Variants in SH3YL1 observed in about 807,000 individuals in gnomAD.
SH3YL1 encodes SH3 domain-containing YSC84-like protein 1.
Under a neutral mutation model 45.8 loss-of-function variants are expected in SH3YL1, and 41 were observed. That is an observed-to-expected ratio of 0.89 (90% CI 0.70 to 1.16). The LOEUF (loss-of-function observed/expected upper bound fraction) is 1.16, where lower values mean the gene tolerates loss of function less well. Among genes scored for constraint, SH3YL1 ranks in the 50% most tolerant of loss-of-function variants. The pLI is 0.00. For synonymous variants in SH3YL1, 152 were observed against 151.4 expected, an observed-to-expected ratio of 1.00 and a Z score of -0.03; for missense variants, 389 against 409.6, an observed-to-expected ratio of 0.95 and a Z score of 0.43.
intron 8 of SH3YL1, among the ~76,000 whole-genome samples, chr2:227,870 C>T (rs537289307): frequency 2.5e-4 from 36 of 144,584 alleles, no homozygotes; most frequent in African/African-American, 7.5e-4. Flanking sequence ...TATGAGCATA[C>T]GTGCATTTCC....
At chr2:228,886 G>A (rs920235788) in intron 8 of SH3YL1, among the ~76,000 whole-genome samples, 2 of 152,196 alleles carry the variant, frequency 1.3e-5, no homozygotes, top group African/African-American at 4.8e-5. Flanking sequence ...GGAGGAGGCC[G>A]AGGATGCGCT....
intron 4 of SH3YL1, chr2:243,415 A>G (rs960414358): frequency 6.7e-5 from 86 of 1,291,186 alleles, no homozygotes; most frequent in Non-Finnish European, 8.7e-5. Flanking sequence ...TAAGCAACAC[A>G]CTCTTAAATA....
At chr2:236,314 C>T (rs780004059) in intron 4 of SH3YL1, among the ~76,000 whole-genome samples, 24 of 152,076 alleles carry the variant, frequency 1.6e-4, no homozygotes, top group African/African-American at 2.4e-4. Context: ...ATCCCAGCTC[C>T]GCTTCTCGAG....
rs1668998718 is a variant in SH3YL1 at position 249,821 on chromosome 2, C to T, written c.136G>A (p.Gly46Ser). The change falls in exon 3 of 10, where the codon GGC (glycine) becomes AGC (serine). Residue 46 changes from glycine (G) to serine (S), a missense_variant. By Grantham distance (56) the Gly-to-Ser change is moderately conservative (BLOSUM62 0). Coordinates refer to ENST00000356150, the MANE Select transcript of SH3YL1 (RefSeq NM_015677.4). ...TTGATCACAGACAGAATTGCAAGGC[C>T]TTTAGCCTTCGCAATTACGTGAGCT... ...IPAHVIAKAK[G>S]LAILSVIKAG... The T allele has an allele frequency of 6.4e-7, 1 of 1,551,926 alleles. No individual in the cohort carries two copies. The highest frequency in any genetic ancestry group is 8.7e-7 in the Non-Finnish European group (1 of 1,147,018).
At chr2:226,736 C>T (rs1208118874) in intron 8 of SH3YL1, among the ~76,000 whole-genome samples, 1 of 151,550 alleles carries the variant, frequency 6.6e-6, no homozygotes, top group African/African-American at 2.4e-5. Context: ...ATAATGAAGA[C>T]TTGGGAATGT....
chr2:221,001 G>A (rs187399403), intron 9 of SH3YL1, among the ~76,000 whole-genome samples: 1 of 152,116 alleles, frequency 6.6e-6, no homozygotes, highest in Admixed American at 6.5e-5. Flanking sequence ...CAATCGATGT[G>A]CATCTGGGAA....
At position 254,793 on chromosome 2, in the gene SH3YL1, T is replaced by TG. The variant is rs561388885; in HGVS notation, c.2-1679dup. 4.1e-4 allele frequency among the ~76,000 whole-genome samples: 63 copies of TG among 152,336 alleles called. No homozygotes were observed. In the South Asian group the frequency reaches 0.011, roughly 28 times the overall value. On this transcript the variant is annotated intron_variant, in intron 1 of 9. Transcript: ENST00000356150. ...CAGATGGAACTCAGACTCATCCCTC[T>TG]GCTCACGTGAGACAAATGCATATCT...
chr2:258,249 T>C (rs1415332182), intron 1 of SH3YL1, among the ~76,000 whole-genome samples: 2 of 152,242 alleles, frequency 1.3e-5, no homozygotes, highest in South Asian at 2.1e-4. Flanking sequence ...CTAGGCAGTA[T>C]GGCAATTTTA....
intron 8 of SH3YL1, among the ~76,000 whole-genome samples, chr2:229,703 T>TG (rs1667945487): frequency 8.4e-6 from 1 of 119,446 alleles, no homozygotes; most frequent in Admixed American, 1.2e-4. Context: ...CACTCCAGCC[T>TG]GGGCGACAGA....
chr2:237,019 T>C (rs1250913095), intron 4 of SH3YL1, among the ~76,000 whole-genome samples: 1 of 152,220 alleles, frequency 6.6e-6, no homozygotes, highest in Non-Finnish European at 1.5e-5. Context: ...TGGTGCTGAA[T>C]GGCAGATAAT....
chr2:262,524 G>T (rs886234771), intron 1 of SH3YL1: 22 of 1,236,696 alleles, frequency 1.8e-5, no homozygotes, highest in African/African-American at 4.6e-5. Flanking sequence ...ACACTGGTCT[G>T]ATCTTTTAGA....
At chr2:224,721 A>T in intron 9 of SH3YL1, 143 bp downstream of exon 9, 1 of 670,318 alleles carries the variant, frequency 1.5e-6, no homozygotes, top group Non-Finnish European at 2.6e-6. Context: ...TAAATGAAGT[A>T]CTTCTCAAAA....
upstream of SH3YL1, chr2:264,091 A>C (rs1435177995): frequency 1.5e-6 from 2 of 1,334,296 alleles, no homozygotes; most frequent in Non-Finnish European, 1.9e-6. Context: ...TACCTGCGGC[A>C]GGTGACGAAG....
chr2:245,751 A>ACC (rs1208104896), intron 4 of SH3YL1, among the ~76,000 whole-genome samples: 1 of 152,096 alleles, frequency 6.6e-6, no homozygotes, highest in East Asian at 1.9e-4. Context: ...TAAAGTAGTC[A>ACC]CCCCATGGCC....
At chr2:235,067 G>A (rs1337767025) in intron 4 of SH3YL1, among the ~76,000 whole-genome samples, 1 of 152,094 alleles carries the variant, frequency 6.6e-6, no homozygotes, top group African/African-American at 2.4e-5. Flanking sequence ...AGTAGAGATG[G>A]GGTTTCGCCA....
intron 9 of SH3YL1, chr2:222,576 G>A (rs183236804): frequency 6.6e-6 from 1 of 152,382 alleles, no homozygotes; most frequent in Admixed American, 6.5e-5. Context: ...GAAGAATGCT[G>A]ACGCTGGAGG....
intron 1 of SH3YL1, among the ~76,000 whole-genome samples, chr2:257,808 C>T (rs750286917): frequency 6.6e-6 from 1 of 152,170 alleles, no homozygotes; most frequent in South Asian, 2.1e-4. Flanking sequence ...AGTCTTTAAT[C>T]CATCTTGAAT....
intron 8 of SH3YL1, among the ~76,000 whole-genome samples, chr2:229,065 A>G (rs1043388475): frequency 7.9e-5 from 12 of 152,210 alleles, no homozygotes; most frequent in Admixed American, 2.6e-4. Context: ...CCACAGCACA[A>G]TGACTCTTGT....
Position 230,958 on chromosome 2 carries a change from G to C in SH3YL1, c.702+65C>G, listed in dbSNP as rs750766380. On this transcript the variant is annotated intron_variant, in intron 7 of 9. Coordinates refer to ENST00000356150, the MANE Select transcript of SH3YL1 (RefSeq NM_015677.4). ...AGGTTCTTAGGAACCTGATATCAGG[G>C]ACAGAATGTTCTACAGAAAGAGATT... 2.6e-6 allele frequency: 4 copies of C among 1,514,184 alleles called. No individual in the cohort carries two copies. The African/African-American group carries it at 4.1e-5, about 16-fold the overall frequency. The allele number at this position is 1,514,184 out of a possible 1,614,324, so 93.8% of individuals were successfully genotyped here.
Sources: allele counts gnomAD v4.1 joint callset (sites outside exome capture counted in the v4.1 genomes callset), GRCh38; gene constraint gnomAD v4.1.1; transcripts MANE v1.5; gene names NCBI Gene and HGNC (gene_info 2026-07-23, HGNC 2026-07-21).